Variants in CCNY observed in about 807,000 individuals in gnomAD.
The protein encoded by CCNY is cyclin-Y.
Under a neutral mutation model 42.8 loss-of-function variants are expected in CCNY, and 19 were observed. The observed-to-expected ratio is 0.44, with a 90% CI of 0.31 to 0.65. The LOEUF is 0.65. Ranked by LOEUF, CCNY falls within the 30% of genes least tolerant of loss-of-function variation. The pLI is 0.07. For missense variants in CCNY, 370 were observed against 437.3 expected, an observed-to-expected ratio of 0.85 and a Z score of 1.37; for synonymous variants, 165 against 162.7, an observed-to-expected ratio of 1.01 and a Z score of -0.11.
chr10:35,398,880 G>T (rs1837582861), intron 1 of CCNY, among the ~76,000 whole-genome samples: 1 of 152,208 alleles, frequency 6.6e-6, no homozygotes, highest in Admixed American at 6.5e-5. Flanking sequence ...AAGGGGTTTA[G>T]CCTGAGAACT....
chr10:35,449,594 T>TA (rs1838871613), intron 1 of CCNY, among the ~76,000 whole-genome samples: 1 of 150,898 alleles, frequency 6.6e-6, no homozygotes, highest in Admixed American at 6.6e-5. Context: ...GAGTAATTAC[T>TA]ACGCGTGCCT....
intron 1 of CCNY, among the ~76,000 whole-genome samples, chr10:35,473,207 C>G (rs1017052886): frequency 3.9e-5 from 6 of 152,128 alleles, no homozygotes; most frequent in African/African-American, 1.2e-4. Flanking sequence ...TAGGATAAAC[C>G]AGGCCGTACA....
At chr10:35,443,910 C>G (rs1838729459) in intron 1 of CCNY, among the ~76,000 whole-genome samples, 1 of 152,160 alleles carries the variant, frequency 6.6e-6, no homozygotes, top group Admixed American at 6.5e-5. Flanking sequence ...CCAATCAGGA[C>G]AAGTACAGAA....
chr10:35,495,600 T>A (rs1839988499), intron 2 of CCNY, among the ~76,000 whole-genome samples: 1 of 152,244 alleles, frequency 6.6e-6, no homozygotes, highest in Admixed American at 6.5e-5. Flanking sequence ...AATGTCACGT[T>A]CCTCTGTGCC....
chr10:35,565,280 C>T (rs1316634117), intron 8 of CCNY, among the ~76,000 whole-genome samples: 1 of 152,146 alleles, frequency 6.6e-6, no homozygotes, highest in Non-Finnish European at 1.5e-5. Context: ...AGAGTGTGGG[C>T]CCGGGGCAAG....
chr10:35,563,458 G>A (rs1044954290), intron 8 of CCNY, among the ~76,000 whole-genome samples: 2 of 152,108 alleles, frequency 1.3e-5, no homozygotes, highest in African/African-American at 2.4e-5. Flanking sequence ...GGGAGAATAC[G>A]CTTTGCAGTG....
chr10:35,481,283 C>T (rs563371990), intron 1 of CCNY, among the ~76,000 whole-genome samples: 17 of 152,212 alleles, frequency 1.1e-4, no homozygotes, highest in African/African-American at 3.9e-4. Flanking sequence ...TCTGTGATAT[C>T]CCCATTATTA....
chr10:35,347,325 C>A, intron 1 of CCNY: 1 of 331,834 alleles, frequency 3.0e-6, no homozygotes, highest in Non-Finnish European at 4.3e-6. Flanking sequence ...ACTACAATCA[C>A]ATCCGTGCCA....
At chr10:35,267,932 T>C (rs1226588129) in intron 3 of CCNY, among the ~76,000 whole-genome samples, 1 of 152,122 alleles carries the variant, frequency 6.6e-6, no homozygotes, top group Non-Finnish European at 1.5e-5. Context: ...ATCTTCTTTT[T>C]TCCTTTTTTT....
intron 3 of CCNY, among the ~76,000 whole-genome samples, chr10:35,309,203 GTGGTTTGGA>G (rs931003782): frequency 9.2e-5 from 14 of 152,200 alleles, no homozygotes; most frequent in Non-Finnish European, 1.8e-4. Context: ...GGGAAAAAGA[GTGGTTTGGA>G]TGGTTACAGG....
At chr10:35,314,714 A>G (rs758333504) in intron 3 of CCNY, 7 of 152,068 alleles carry the variant, frequency 4.6e-5, no homozygotes, top group Non-Finnish European at 8.8e-5. Flanking sequence ...TGCATTTTCA[A>G]TATCTCCTGC....
chr10:35,520,420 C>T lies in CCNY; in HGVS notation c.365+3797C>T, dbSNP rs115283448. 5.3e-3 allele frequency among the ~76,000 whole-genome samples: 800 copies of T among 152,172 alleles called. 2 individuals are homozygous for T. Among genetic ancestry groups the T allele is most frequent in the African/African-American group, 0.018 (758 of 41,526 alleles). ...TCCCGTTAACCCAGGTCCTCTTGCA[C>T]CCTACTCCAGACATTAAAACTGATA... On this transcript the variant is annotated intron_variant, in intron 4 of 9. Transcript: ENST00000374704.
At chr10:35,284,126 G>A (rs1835328047) in intron 3 of CCNY, among the ~76,000 whole-genome samples, 1 of 152,044 alleles carries the variant, frequency 6.6e-6, no homozygotes, top group Admixed American at 6.6e-5. Context: ...GCTTAATTGA[G>A]GTATGCTTTA....
intron 3 of CCNY, among the ~76,000 whole-genome samples, chr10:35,263,540 TTAAAATAAAA>T (rs546536294): frequency 2.1e-3 from 322 of 150,050 alleles, no homozygotes; most frequent in Middle Eastern, 6.8e-3. Context: ...AGACCCTGTC[TTAAAATAAAA>T]TAAAATAAAA....
intron 5 of CCNY, 103 bp from the exon 6 acceptor site, chr10:35,529,870 C>T: frequency 9.1e-7 from 1 of 1,094,952 alleles, no homozygotes; most frequent in Admixed American, 2.0e-5. Context: ...ACTCCGTATC[C>T]CAAAAAAAAA....
At chr10:35,501,349 A>G (rs1840106582) in intron 2 of CCNY, 152 bp from the exon 3 acceptor site, 1 of 641,210 alleles carries the variant, frequency 1.6e-6, no homozygotes, top group Non-Finnish European at 2.9e-6. Flanking sequence ...GCATTTGTGC[A>G]GGTCCTGTAT....
At chr10:35,374,614 G>A (rs1564387452) in intron 1 of CCNY, among the ~76,000 whole-genome samples, 1 of 152,232 alleles carries the variant, frequency 6.6e-6, no homozygotes, top group African/African-American at 2.4e-5. Context: ...CATTGAGCCC[G>A]TTAAAAGTAT....
At chr10:35,322,065 G>C (rs111666365) in intron 3 of CCNY, among the ~76,000 whole-genome samples, 240 of 152,222 alleles carry the variant, frequency 1.6e-3, no homozygotes, top group African/African-American at 5.3e-3. Flanking sequence ...AGCTTAAAAG[G>C]TAAAACTTGG....
chr10:35,383,702 T>TA (rs1312062130), intron 1 of CCNY, among the ~76,000 whole-genome samples: 32 of 152,362 alleles, frequency 2.1e-4, no homozygotes, highest in African/African-American at 7.7e-4. Context: ...ATGTGCCTGT[T>TA]AAGCTACCTG....
Sources: allele counts gnomAD v4.1 joint callset (sites outside exome capture counted in the v4.1 genomes callset), GRCh38; gene constraint gnomAD v4.1.1; transcripts MANE v1.5; gene names NCBI Gene and HGNC (gene_info 2026-07-23, HGNC 2026-07-21).